Variants in SRGAP2 observed in about 807,000 individuals in gnomAD.
The protein encoded by SRGAP2 is SLIT-ROBO Rho GTPase activating protein 2, also known as SLIT-ROBO Rho GTPase-activating protein 2.
A neutral mutation model predicts 57.2 loss-of-function variants in SRGAP2; 15 were observed. The ratio of observed to expected loss-of-function variants is 0.26; its 90% CI spans 0.18 to 0.40. The LOEUF is 0.40. Among genes scored for constraint, SRGAP2 ranks in the 10% least tolerant of loss-of-function variants. The probability of loss-of-function intolerance (pLI) is 1.00; values close to 1 mark genes in which losing one functional copy is unlikely to be tolerated. For synonymous variants in SRGAP2, 249 were observed against 248.0 expected (o/e 1.00, Z -0.04); for missense variants, 520 against 669.6 (o/e 0.78, Z 2.47).
chr1:206,230,629 A>G (rs561038688), intron 2 of SRGAP2, among the ~76,000 whole-genome samples: 2 of 143,948 alleles, frequency 1.4e-5, no homozygotes, highest in Non-Finnish European at 3.1e-5. Flanking sequence ...ATGGAGCTGT[A>G]TTTTTTTTTT....
intron 4 of SRGAP2, among the ~76,000 whole-genome samples, chr1:206,370,928 C>T (rs1233025187): frequency 3.3e-5 from 5 of 150,366 alleles, no homozygotes; most frequent in African/African-American, 1.2e-4. Flanking sequence ...ATGGAAAATA[C>T]AGAAAAGAGC....
intron 18 of SRGAP2, among the ~76,000 whole-genome samples, chr1:206,446,850 C>G (rs1553374062): frequency 2.0e-5 from 3 of 152,174 alleles, no homozygotes; most frequent in Non-Finnish European, 4.4e-5. Flanking sequence ...AGCAGCATTC[C>G]ATTCTGTGGG....
At chr1:206,427,236 T>TC in intron 13 of SRGAP2, among the ~76,000 whole-genome samples, 1 of 152,230 alleles carries the variant, frequency 6.6e-6, no homozygotes, top group African/African-American at 2.4e-5. Context: ...ATAAAAAGAC[T>TC]CCCCCCAGAT....
intron 11 of SRGAP2, among the ~76,000 whole-genome samples, chr1:206,417,411 T>C (rs1211700711): frequency 7.1e-6 from 1 of 140,586 alleles, no homozygotes; most frequent in African/African-American, 2.8e-5. Context: ...GCTGATCTTA[T>C]GACTTTTTTT....
At chr1:206,275,772 A>G (rs1318288081) in intron 2 of SRGAP2, among the ~76,000 whole-genome samples, 1 of 151,932 alleles carries the variant, frequency 6.6e-6, no homozygotes, top group African/African-American at 2.4e-5. Context: ...ACGCATCGCC[A>G]TGCCCAGCTA....
intron 3 of SRGAP2, among the ~76,000 whole-genome samples, chr1:206,333,861 C>T (rs1371255717): frequency 4.6e-5 from 7 of 151,790 alleles, no homozygotes; most frequent in Admixed American, 6.6e-5. Context: ...ATTTTTCATC[C>T]AGATTCCTTA....
intron 22 of SRGAP2, among the ~76,000 whole-genome samples, chr1:206,460,334 C>T (rs551073361): frequency 6.6e-6 from 1 of 152,270 alleles, no homozygotes; most frequent in Non-Finnish European, 1.5e-5. Context: ...CTGCTGTTGG[C>T]TAAAGATCTA....
intron 7 of SRGAP2, among the ~76,000 whole-genome samples, chr1:206,394,516 T>C (rs1381278829): frequency 6.6e-6 from 1 of 152,190 alleles, no homozygotes; most frequent in Non-Finnish European, 1.5e-5. Flanking sequence ...GGGTAAGCAT[T>C]GCTGTCTCCA....
chr1:206,375,725 G>A (rs1326543248), intron 4 of SRGAP2, among the ~76,000 whole-genome samples: 3 of 152,122 alleles, frequency 2.0e-5, no homozygotes, highest in East Asian at 3.9e-4. Context: ...CCCTTGTCCC[G>A]AGTATGCCTG....
At chr1:206,259,399 T>C (rs1188157033) in intron 2 of SRGAP2, among the ~76,000 whole-genome samples, 1 of 150,126 alleles carries the variant, frequency 6.7e-6, no homozygotes, top group African/African-American at 2.5e-5. Context: ...TGTGATGGCA[T>C]GATCATAGCT....
chr1:206,438,884 TC>T (rs1662017591), intron 16 of SRGAP2, among the ~76,000 whole-genome samples: 1 of 152,228 alleles, frequency 6.6e-6, no homozygotes, highest in South Asian at 2.1e-4. Context: ...TCACTCAGTA[TC>T]TGCCCTGAGT....
At chr1:206,456,333 G>C (rs1423063177) in intron 21 of SRGAP2, among the ~76,000 whole-genome samples, 1 of 152,092 alleles carries the variant, frequency 6.6e-6, no homozygotes, top group East Asian at 1.9e-4. Context: ...AAAAAATTGA[G>C]AAGTTTCTGT....
At chr1:206,417,173 G>A (rs1355499111) in intron 11 of SRGAP2, among the ~76,000 whole-genome samples, 8 of 144,850 alleles carry the variant, frequency 5.5e-5, no homozygotes, top group Non-Finnish European at 8.9e-5. Flanking sequence ...GTGCCATCTC[G>A]GCTCACTGCC....
chr1:206,311,202 G>T (rs1571821820), intron 3 of SRGAP2, among the ~76,000 whole-genome samples: 1 of 151,840 alleles, frequency 6.6e-6, no homozygotes, highest in Non-Finnish European at 1.5e-5. Context: ...TTATTGTTCT[G>T]GGTGACTATA....
At chr1:206,455,811 C>A (rs781914784) in intron 21 of SRGAP2, 2 of 152,324 alleles carry the variant, frequency 1.3e-5, no homozygotes, top group African/African-American at 4.8e-5. Context: ...GGGGTTTAAA[C>A]TCCACCCACG....
In SRGAP2 at chr1:206,461,084, A is replaced by G. The variant is rs17018890; in HGVS notation, c.2880A>G (p.Leu960=). The G allele has an allele frequency of 0.23, 175,503 of 749,308 alleles. 22,193 individuals carry two copies. Among genetic ancestry groups the G allele is most frequent in the South Asian group, 0.27 (19,601 of 71,696 alleles). The allele number at this position is 749,308 out of a possible 1,614,324, so 46.4% of individuals were successfully genotyped here. A position where few individuals can be genotyped will look rare whatever the true frequency, so the allele number is the denominator to read the frequency against. ...MNSALNELRE[L]ERQSSVKHTP... is the part of the protein sequence containing the mutation. Reference sequence around the variant, plus strand: ...CGGCCCTGAATGAGCTACGGGAACTAGAACGGCAGAGCAGTGTCAAACACA... The same window carrying G: ...CGGCCCTGAATGAGCTACGGGAACTGGAACGGCAGAGCAGTGTCAAACACA... The change falls in exon 23 of 23, where the codon CTA becomes CTG. Residue 960 remains leucine (L), a synonymous_variant. Coordinates refer to ENST00000573034, the MANE Select transcript of SRGAP2 (RefSeq NM_015326.5).
Position 206,463,409 on chromosome 1 carries a change from T to C in SRGAP2, c.*1989T>C, listed in dbSNP as rs1281440145. ...GGGCTTTCATACCCAAGGATCTGTT[T>C]CCTTGCTGAAAATGAAACCCTATCT... On this transcript the variant is annotated 3_prime_UTR_variant, in exon 23 of 23. Transcript: ENST00000573034. 1 of 152,612 alleles carries C rather than the reference T, an allele frequency of 6.6e-6. No homozygotes were observed. The highest frequency in any genetic ancestry group is 2.4e-5 in the African/African-American group (1 of 41,434). The allele number at this position is 152,612 out of a possible 1,614,324, so 9.5% of individuals were successfully genotyped here. A position where few individuals can be genotyped will look rare whatever the true frequency, so the allele number is the denominator to read the frequency against.
intron 12 of SRGAP2, 68 bp downstream of exon 12, chr1:206,419,468 G>C: frequency 1.3e-6 from 1 of 779,152 alleles, no homozygotes; most frequent in South Asian, 1.3e-5. Context: ...CTTACTCTGG[G>C]AGAGAGCCAA....
At chr1:206,439,889 G>A in intron 16 of SRGAP2, 87 bp from the exon 17 acceptor site, 1 of 716,750 alleles carries the variant, frequency 1.4e-6, no homozygotes, top group Non-Finnish European at 2.6e-6. Flanking sequence ...TGTCCGTGTT[G>A]CCCCTGCTGG....
Sources: gnomAD v4.1 joint callset for allele counts (sites outside exome capture counted in the v4.1 genomes callset) on GRCh38, gnomAD v4.1.1 for gene constraint, MANE v1.5 for transcripts, NCBI Gene and HGNC (gene_info 2026-07-23, HGNC 2026-07-21) for gene names.